Variants in WWOX observed in about 807,000 individuals in gnomAD.
WWOX encodes WW domain-containing oxidoreductase.
A neutral mutation model predicts 46.2 loss-of-function variants in WWOX; 69 were observed. The observed-to-expected ratio is 1.49, with a 90% CI of 1.23 to 1.82. WWOX has a LOEUF of 1.82. WWOX is among the 40% of genes most tolerant of loss of function. The pLI is 0.00. For missense variants in WWOX, 919 were observed against 542.6 expected, an observed-to-expected ratio of 1.69 and a Z score of -6.89; for synonymous variants, 359 against 202.6, an observed-to-expected ratio of 1.77 and a Z score of -6.56.
chr16:78,787,492 A>C (rs2050486696), intron 8 of WWOX, among the ~76,000 whole-genome samples: 1 of 152,194 alleles, frequency 6.6e-6, no homozygotes, highest in African/African-American at 2.4e-5. Context: ...AGAATGTATC[A>C]GTACTTCATT....
chr16:79,192,752 G>C (rs1019817984), intron 8 of WWOX, among the ~76,000 whole-genome samples: 2 of 152,186 alleles, frequency 1.3e-5, no homozygotes, highest in Non-Finnish European at 2.9e-5. Flanking sequence ...AGAGGCAGTA[G>C]AGTGAGAAGA....
intron 8 of WWOX, among the ~76,000 whole-genome samples, chr16:78,441,550 A>G (rs2083444858): frequency 1.3e-5 from 2 of 152,074 alleles, no homozygotes; most frequent in African/African-American, 4.8e-5. Flanking sequence ...CGGTGTGGGT[A>G]TGTTTGGAGG....
At chr16:78,189,473 T>G (rs991979182) in intron 5 of WWOX, among the ~76,000 whole-genome samples, 1 of 152,148 alleles carries the variant, frequency 6.6e-6, no homozygotes. Flanking sequence ...GCTGGATCAT[T>G]TGTCCACCTT....
At chr16:79,170,338 G>C (rs1418107568) in intron 8 of WWOX, among the ~76,000 whole-genome samples, 1 of 152,164 alleles carries the variant, frequency 6.6e-6, no homozygotes, top group African/African-American at 2.4e-5. Flanking sequence ...AGGTCCCCCA[G>C]CTAGGAAGTA....
intron 8 of WWOX, among the ~76,000 whole-genome samples, chr16:78,841,024 C>T (rs2052128409): frequency 6.6e-6 from 1 of 152,030 alleles, no homozygotes; most frequent in Non-Finnish European, 1.5e-5. Flanking sequence ...CCTGTGATGC[C>T]ATAGGCAGTC....
chr16:78,822,879 A>G (rs2051541894), intron 8 of WWOX, among the ~76,000 whole-genome samples: 1 of 152,138 alleles, frequency 6.6e-6, no homozygotes, highest in African/African-American at 2.4e-5. Flanking sequence ...GCTAAAAAAG[A>G]TTCCTAGCAA....
intron 4 of WWOX, among the ~76,000 whole-genome samples, chr16:78,134,007 C>G (rs2033700772): frequency 6.6e-6 from 1 of 152,182 alleles, no homozygotes; most frequent in Non-Finnish European, 1.5e-5. Context: ...GTGTTTTCTT[C>G]AATGTACCTA....
intron 5 of WWOX, among the ~76,000 whole-genome samples, chr16:78,302,053 C>T (rs62035713): frequency 0.02 from 3,095 of 152,002 alleles, 53 homozygotes; most frequent in African/African-American, 0.046. Flanking sequence ...CTCCACCTCC[C>T]GGGTTCAAGC....
chr16:78,817,730 C>A (rs1268532981), intron 8 of WWOX, among the ~76,000 whole-genome samples: 1 of 152,164 alleles, frequency 6.6e-6, no homozygotes, highest in African/African-American at 2.4e-5. Context: ...ATTCCCAGGA[C>A]CTCTTCGGGT....
intron 5 of WWOX, among the ~76,000 whole-genome samples, chr16:78,338,941 A>G (rs1268489871): frequency 8.3e-6 from 1 of 120,908 alleles, no homozygotes; most frequent in Non-Finnish European, 2.0e-5. Context: ...TTTCTAACTC[A>G]TTTAGTGAAT....
intron 8 of WWOX, among the ~76,000 whole-genome samples, chr16:78,690,184 C>A (rs546829995): frequency 2.0e-5 from 3 of 152,100 alleles, no homozygotes; most frequent in African/African-American, 2.4e-5. Context: ...AACAACCCCC[C>A]CTCCACACTG....
At chr16:79,179,717 G>T (rs1477751953) in intron 8 of WWOX, among the ~76,000 whole-genome samples, 1 of 152,176 alleles carries the variant, frequency 6.6e-6, no homozygotes, top group East Asian at 1.9e-4. Context: ...GTATGGCCAG[G>T]CTCAGTGAAT....
At chr16:78,738,286 C>G (rs988545245) in intron 8 of WWOX, among the ~76,000 whole-genome samples, 4 of 152,082 alleles carry the variant, frequency 2.6e-5, no homozygotes, top group African/African-American at 7.2e-5. Flanking sequence ...ATTAGGTGTG[C>G]TCTTGTGTCT....
At chr16:78,793,927 T>C (rs1045331851) in intron 8 of WWOX, among the ~76,000 whole-genome samples, 5 of 151,974 alleles carry the variant, frequency 3.3e-5, no homozygotes, top group Non-Finnish European at 7.4e-5. Flanking sequence ...AAAGTGAAAT[T>C]TTTGATATAG....
intron 8 of WWOX, among the ~76,000 whole-genome samples, chr16:78,495,177 G>C (rs1047536200): frequency 9.7e-6 from 1 of 103,578 alleles, no homozygotes; most frequent in Non-Finnish European, 1.9e-5. Context: ...ACTCTTGCCT[G>C]TCGCCCAGGT....
chr16:78,195,585 G>T (rs1388136050), intron 5 of WWOX, among the ~76,000 whole-genome samples: 1 of 151,998 alleles, frequency 6.6e-6, no homozygotes, highest in African/African-American at 2.4e-5. Flanking sequence ...ACTTTGGGAG[G>T]CTAAGGTGGG....
intron 8 of WWOX, among the ~76,000 whole-genome samples, chr16:78,669,554 C>G (rs908715255): frequency 1.3e-5 from 2 of 152,132 alleles, no homozygotes; most frequent in African/African-American, 4.8e-5. Flanking sequence ...GTTACCTACC[C>G]CCAAAATGTC....
At chr16:78,513,293 T>C (rs1217997283) in intron 8 of WWOX, among the ~76,000 whole-genome samples, 1 of 152,220 alleles carries the variant, frequency 6.6e-6, no homozygotes, top group African/African-American at 2.4e-5. Context: ...AGATGTGGAA[T>C]TTGTAGGAGC....
chr16:78,365,189 C>G (rs768696857), intron 5 of WWOX, among the ~76,000 whole-genome samples: 7 of 152,144 alleles, frequency 4.6e-5, no homozygotes, highest in Non-Finnish European at 8.8e-5. Context: ...ATGCAAAGTG[C>G]CCAGTTTAGT....
Sources: allele counts gnomAD v4.1 joint callset (sites outside exome capture counted in the v4.1 genomes callset), GRCh38; gene constraint gnomAD v4.1.1; transcripts MANE v1.5; gene names NCBI Gene and HGNC (gene_info 2026-07-23, HGNC 2026-07-21).